ZNF469: variants seen among roughly 807,000 people sequenced by gnomAD.
ZNF469 encodes the protein zinc finger protein 469.
A neutral mutation model predicts 1.0 loss-of-function variants in ZNF469; 1 was observed. The ratio of observed to expected loss-of-function variants is 1.00; its 90% CI spans 0.35 to 4.73. ZNF469 has a LOEUF of 4.73. ZNF469 is among the 30% of genes most tolerant of loss of function. The pLI is 0.16. For synonymous variants in ZNF469, 2,703 were observed against 2,363.4 expected (o/e 1.14, Z -4.17); for missense variants, 6,100 against 5,356.3 (o/e 1.14, Z -4.33).
intron 1 of ZNF469, among the ~76,000 whole-genome samples, chr16:88,401,145 C>T (rs957597665): frequency 6.6e-6 from 1 of 152,154 alleles, no homozygotes; most frequent in African/African-American, 2.4e-5. Context: ...TACAGTTTCT[C>T]TCTCCCATGG....
In ZNF469 at chr16:88,431,190, A is replaced by C; in HGVS notation, c.3720A>C (p.Glu1240Asp). The change falls in exon 3 of 3, where the codon GAA (glutamate) becomes GAC (aspartate). Residue 1240 changes from glutamate to aspartate, a missense_variant. Coordinates refer to ENST00000565624, the MANE Select transcript of ZNF469 (RefSeq NM_001367624.2). ...AAGAGTCAGCCCCGGACAGCACAGAATTCACAGAGGCTTTGCGTTCTCCTC... is the reference window on the plus strand; with the variant it reads ...AAGAGTCAGCCCCGGACAGCACAGACTTCACAGAGGCTTTGCGTTCTCCTC... ...TAEESAPDST[E>D]FTEALRSPPA... 6.5e-7 allele frequency: 1 copy of C among 1,550,322 alleles called. No individual in the cohort carries two copies. Among genetic ancestry groups the C allele is most frequent in the Non-Finnish European group, 8.7e-7 (1 of 1,146,958 alleles).
chr16:88,276,295 G>A, the ZNF469 span, among the ~76,000 whole-genome samples: 1 of 152,152 alleles, frequency 6.6e-6, no homozygotes, highest in African/African-American at 2.4e-5. Flanking sequence ...TATGGAGTGG[G>A]GGTGCAGCAA....
the ZNF469 span, among the ~76,000 whole-genome samples, chr16:88,310,729 G>A: frequency 5.7e-4 from 87 of 152,188 alleles, no homozygotes; most frequent in Admixed American, 4.3e-3. Context: ...ACAGGTGTGC[G>A]CCACCATGCC....
In ZNF469 at chr16:88,437,504, G is replaced by A. The variant is rs79339739; in HGVS notation, c.10034G>A (p.Arg3345His). The A allele has an allele frequency of 1.4e-3, 2,097 of 1,540,734 alleles. 17 individuals are homozygous for A. In the African/African-American group the frequency reaches 0.025, roughly 19 times the overall value. Residue 3345 changes from arginine to histidine, a missense_variant, in exon 3 of 3, where the codon CGC becomes CAC. Coordinates refer to ENST00000565624, the MANE Select transcript of ZNF469 (RefSeq NM_001367624.2). ...CGCGACTGCCACCACTGCGGGAAGCGCTTCCCCAAGCCCTTCAAGCTGCAG... is the reference window on the plus strand; with the variant it reads ...CGCGACTGCCACCACTGCGGGAAGCACTTCCCCAAGCCCTTCAAGCTGCAG... The part of the protein sequence containing the change: ...PSRDCHHCGK[R>H]FPKPFKLQRH...
Position 88,436,706 on chromosome 16 carries a change from AG to A in ZNF469, c.9239del (p.Gly3080AlafsTer102). ...GLPGPSFLDF[E>X]GTASSQGPQS... Reference sequence around the variant, plus strand: ...CCCGGCCCCAGCTTCTTAGACTTCGAGGGCACGGCGAGCTCACAGGGGCCAC... The same window carrying A: ...CCCGGCCCCAGCTTCTTAGACTTCGAGGCACGGCGAGCTCACAGGGGCCAC... On this transcript the variant is annotated frameshift_variant, in exon 3 of 3. Coordinates refer to ENST00000565624, the MANE Select transcript of ZNF469 (RefSeq NM_001367624.2). LOFTEE classifies it low-confidence loss of function (END_TRUNC). The A allele has an allele frequency of 6.5e-7, 1 of 1,549,704 alleles. No individual in the cohort carries two copies.
chr16:88,440,379 AG>A lies in ZNF469; in HGVS notation c.*1050del, dbSNP rs1445928361. On this transcript the variant is annotated 3_prime_UTR_variant, in exon 3 of 3. Coordinates refer to ENST00000565624, the MANE Select transcript of ZNF469 (RefSeq NM_001367624.2). ...GGGCTGCAGAGCCGCTGCCCTGGCC[AG>A]GGCACCCTCATGCACCGACCCAACC... is the stretch of plus-strand genomic sequence containing the variant. 1.3e-5 allele frequency: 2 copies of A among 150,028 alleles called. No homozygotes were observed. The highest frequency in any genetic ancestry group is 1.3e-4 in the Admixed American group (2 of 15,070). The allele number at this position is 150,028 out of a possible 1,614,324, so 9.3% of individuals were successfully genotyped here.
At chr16:88,197,949 C>G in the ZNF469 span, among the ~76,000 whole-genome samples, 2 of 152,322 alleles carry the variant, frequency 1.3e-5, no homozygotes, top group East Asian at 3.9e-4. Context: ...GCTAGTGTGC[C>G]CACAACCCTC....
At chr16:88,247,560 C>A in the ZNF469 span, among the ~76,000 whole-genome samples, 13 of 75,312 alleles carry the variant, frequency 1.7e-4, no homozygotes, top group Admixed American at 5.3e-4. Flanking sequence ...GAATGAGTGA[C>A]TGAGTGAGTG....
the ZNF469 span, among the ~76,000 whole-genome samples, chr16:88,373,813 A>G: frequency 6.6e-6 from 1 of 152,152 alleles, no homozygotes; most frequent in African/African-American, 2.4e-5. Flanking sequence ...CCTGACCAAC[A>G]TGGCAAACCT....
the ZNF469 span, among the ~76,000 whole-genome samples, chr16:88,367,951 G>A: frequency 1.3e-5 from 2 of 152,172 alleles, no homozygotes; most frequent in African/African-American, 4.8e-5. Context: ...ACAGAGACCC[G>A]CATTCTTATC....
the ZNF469 span, among the ~76,000 whole-genome samples, chr16:88,193,862 A>G: frequency 1.3e-5 from 2 of 152,196 alleles, no homozygotes; most frequent in Non-Finnish European, 2.9e-5. Flanking sequence ...GCGCCCTCAC[A>G]TGGCGGAAGG....
chr16:88,281,888 C>T, the ZNF469 span, among the ~76,000 whole-genome samples: 3 of 152,234 alleles, frequency 2.0e-5, no homozygotes, highest in African/African-American at 7.2e-5. Context: ...AGTGCTGTGC[C>T]ACACTGATGC....
chr16:88,127,508 G>A, the ZNF469 span, among the ~76,000 whole-genome samples: 1 of 152,190 alleles, frequency 6.6e-6, no homozygotes, highest in South Asian at 2.1e-4. Context: ...TGCAGCTTAT[G>A]AGAAGATTTG....
At chr16:88,278,924 C>T in the ZNF469 span, among the ~76,000 whole-genome samples, 1 of 151,102 alleles carries the variant, frequency 6.6e-6, no homozygotes, top group Non-Finnish European at 1.5e-5. Context: ...AGTGCTGTGC[C>T]ACGCTGACAC....
the ZNF469 span, chr16:88,178,666 T>C: frequency 6.6e-6 from 1 of 152,230 alleles, no homozygotes; most frequent in African/African-American, 2.4e-5. Flanking sequence ...CAAAAAACAA[T>C]ATTTTGTAAA....
At chr16:88,386,344 G>A (rs144565785) in intron 1 of ZNF469, among the ~76,000 whole-genome samples, 9 of 152,122 alleles carry the variant, frequency 5.9e-5, no homozygotes, top group African/African-American at 1.9e-4. Flanking sequence ...CAGGATGTGT[G>A]TTCTCTCTTC....
At chr16:88,198,087 G>C in the ZNF469 span, among the ~76,000 whole-genome samples, 2 of 152,248 alleles carry the variant, frequency 1.3e-5, no homozygotes, top group African/African-American at 2.4e-5. Flanking sequence ...AATCTCATTT[G>C]CTCATTCAAA....
At chr16:88,294,115 C>A in the ZNF469 span, among the ~76,000 whole-genome samples, 2 of 152,212 alleles carry the variant, frequency 1.3e-5, no homozygotes, top group Admixed American at 6.5e-5. Flanking sequence ...TATGGTCACC[C>A]AGGAAAGCTC....
the ZNF469 span, among the ~76,000 whole-genome samples, chr16:88,175,703 A>G: frequency 2.0e-5 from 3 of 152,248 alleles, no homozygotes; most frequent in African/African-American, 7.2e-5. Flanking sequence ...CGCACTTCAG[A>G]GGGAAATGTA....
Sources: allele counts gnomAD v4.1 joint callset (sites outside exome capture counted in the v4.1 genomes callset), GRCh38; gene constraint gnomAD v4.1.1; transcripts MANE v1.5; gene names NCBI Gene and HGNC (gene_info 2026-07-23, HGNC 2026-07-21).